Variants in MCTP1 observed in about 807,000 individuals in gnomAD.
The protein encoded by MCTP1 is multiple C2 and transmembrane domain-containing protein 1.
MCTP1 carries 69 observed loss-of-function variants against 120.6 expected under a neutral mutation model. The observed-to-expected ratio is 0.57, with a 90% CI of 0.47 to 0.70. The LOEUF (loss-of-function observed/expected upper bound fraction) is 0.70, where lower values mean the gene tolerates loss of function less well. Among genes scored for constraint, MCTP1 ranks in the 30% least tolerant of loss-of-function variants. The pLI is 0.00. For missense variants in MCTP1, 1,203 were observed against 1,248.8 expected, an observed-to-expected ratio of 0.96 and a Z score of 0.55; for synonymous variants, 529 against 493.1, an observed-to-expected ratio of 1.07 and a Z score of -0.96.
intron 1 of MCTP1, among the ~76,000 whole-genome samples, chr5:95,201,230 AACAT>A (rs1394933279): frequency 1.2e-4 from 18 of 152,194 alleles, no homozygotes; most frequent in Non-Finnish European, 1.6e-4. Context: ...TAGGACAAGC[AACAT>A]CCACATATCA....
At chr5:94,827,596 G>C (rs759507701) in intron 17 of MCTP1, among the ~76,000 whole-genome samples, 1 of 152,040 alleles carries the variant, frequency 6.6e-6, no homozygotes, top group African/African-American at 2.4e-5. Context: ...TCACCTTCAG[G>C]TACACCAATC....
chr5:94,853,313 A>G (rs1794111761), intron 17 of MCTP1, among the ~76,000 whole-genome samples: 2 of 152,014 alleles, frequency 1.3e-5, no homozygotes, highest in Admixed American at 1.3e-4. Context: ...GGATGGATGC[A>G]TTAGAAAGGA....
intron 2 of MCTP1, among the ~76,000 whole-genome samples, chr5:94,974,301 C>T (rs1034045229): frequency 3.9e-5 from 6 of 152,096 alleles, no homozygotes; most frequent in Non-Finnish European, 7.4e-5. Flanking sequence ...TAATCCAATG[C>T]TTTGGGAGGC....
intron 18 of MCTP1, among the ~76,000 whole-genome samples, chr5:94,798,725 A>T (rs1327743410): frequency 6.6e-6 from 1 of 152,178 alleles, no homozygotes; most frequent in Admixed American, 6.6e-5. Flanking sequence ...AGAAGAATAA[A>T]GCAATTATTT....
chr5:95,075,357 C>T (rs961681529), intron 1 of MCTP1, among the ~76,000 whole-genome samples: 1 of 152,188 alleles, frequency 6.6e-6, no homozygotes, highest in Non-Finnish European at 1.5e-5. Flanking sequence ...CTTTTATTCT[C>T]TCTATAATGA....
chr5:95,127,742 C>A (rs945888406), intron 1 of MCTP1, among the ~76,000 whole-genome samples: 1 of 152,156 alleles, frequency 6.6e-6, no homozygotes, highest in African/African-American at 2.4e-5. Context: ...TATCCTTCAA[C>A]TTTTTACCTT....
At chr5:95,132,563 C>T (rs1443818214) in intron 1 of MCTP1, among the ~76,000 whole-genome samples, 1 of 152,176 alleles carries the variant, frequency 6.6e-6, no homozygotes, top group Non-Finnish European at 1.5e-5. Context: ...TCATCTCAGG[C>T]GCAGTTGCCT....
At position 94,932,076 on chromosome 5, in the gene MCTP1, T is replaced by TTTCCGC. The variant is rs879812158; in HGVS notation, c.1174-86_1174-85insGCGGAA. ...AGTTGTTTTTTAGCGGAAACATTTA[T>TTTCCGC]TAGCCCTTGAAACAGCGAACAGTTC... On this transcript the variant is annotated intron_variant, in intron 5 of 22. Transcript: ENST00000515393. 122 of 929,516 alleles carry TTTCCGC rather than the reference T, an allele frequency of 1.3e-4. No individual in the cohort carries two copies. The East Asian group carries it at 3.0e-3, about 23-fold the overall frequency. The allele number at this position is 929,516 out of a possible 1,614,324, so 57.6% of individuals were successfully genotyped here. A position where few individuals can be genotyped will look rare whatever the true frequency, so the allele number is the denominator to read the frequency against.
At chr5:94,719,356 A>G (rs1032215435) in intron 19 of MCTP1, among the ~76,000 whole-genome samples, 3 of 152,236 alleles carry the variant, frequency 2.0e-5, no homozygotes, top group African/African-American at 7.2e-5. Context: ...AGATACATGC[A>G]CATGTATGTT....
chr5:95,284,697 CG>C lies in MCTP1; in HGVS notation c.-123del, dbSNP rs1474081611. 4 of 812,776 alleles carry C rather than the reference CG, an allele frequency of 4.9e-6. No homozygotes were observed. Among genetic ancestry groups the C allele is most frequent in the Non-Finnish European group, 3.5e-6 (2 of 568,872 alleles). 50.3% of individuals were successfully genotyped at this position (812,776 alleles called of 1,614,324 possible). On this transcript the variant is annotated 5_prime_UTR_variant, in exon 1 of 23. Transcript: ENST00000515393. The surrounding 1 kb of genome is among the most constrained non-coding windows in gnomAD (Gnocchi z 5.2). Reference sequence around the variant, plus strand: ...CTGGCGGTGGCGGCGGCGGCGGCGGCGGGCGCAGCAGCAGAAACCGGGAGTG... The same window carrying C: ...CTGGCGGTGGCGGCGGCGGCGGCGGCGGCGCAGCAGCAGAAACCGGGAGTG...
intron 10 of MCTP1, among the ~76,000 whole-genome samples, chr5:94,900,095 G>A (rs1389002050): frequency 6.6e-6 from 1 of 152,146 alleles, no homozygotes; most frequent in African/African-American, 2.4e-5. Flanking sequence ...ATCAGCTTAT[G>A]TGTCACTTGC....
At chr5:94,776,783 C>A (rs1242037365) in intron 19 of MCTP1, among the ~76,000 whole-genome samples, 1 of 152,072 alleles carries the variant, frequency 6.6e-6, no homozygotes, top group Non-Finnish European at 1.5e-5. Context: ...AAGGAACCAA[C>A]GAATTTTTTA....
chr5:94,982,406 T>G (rs768097076), intron 2 of MCTP1, among the ~76,000 whole-genome samples: 6 of 152,162 alleles, frequency 3.9e-5, no homozygotes, highest in Non-Finnish European at 8.8e-5. Flanking sequence ...ATCGAGCACA[T>G]AATGAGATAG....
intron 1 of MCTP1, among the ~76,000 whole-genome samples, chr5:95,019,415 C>A (rs940548519): frequency 6.6e-6 from 1 of 152,014 alleles, no homozygotes. Context: ...CCAACATCTC[C>A]TCTTTTCCTT....
chr5:94,744,901 G>T (rs990025844), intron 19 of MCTP1, among the ~76,000 whole-genome samples: 2 of 152,178 alleles, frequency 1.3e-5, no homozygotes, highest in Non-Finnish European at 2.9e-5. Flanking sequence ...ACAGTAAGGG[G>T]CTTTAACATT....
At chr5:94,920,742 A>T (rs1418504615) in intron 7 of MCTP1, among the ~76,000 whole-genome samples, 3 of 142,060 alleles carry the variant, frequency 2.1e-5, no homozygotes, top group African/African-American at 5.3e-5. Context: ...ATTCCGTCTC[A>T]AAATAAATAA....
intron 2 of MCTP1, among the ~76,000 whole-genome samples, chr5:95,006,418 T>C (rs763686182): frequency 6.6e-6 from 1 of 152,026 alleles, no homozygotes; most frequent in Non-Finnish European, 1.5e-5. Context: ...ATAACTATCA[T>C]TAAAACTAAG....
At chr5:95,170,779 T>C (rs1747161804) in intron 1 of MCTP1, among the ~76,000 whole-genome samples, 2 of 152,168 alleles carry the variant, frequency 1.3e-5, no homozygotes, top group African/African-American at 2.4e-5. Context: ...CTTCTTCCAT[T>C]CCTTTATTTT....
chr5:95,182,827 T>C (rs566107947), intron 1 of MCTP1, among the ~76,000 whole-genome samples: 14 of 151,992 alleles, frequency 9.2e-5, no homozygotes, highest in Admixed American at 3.3e-4. Flanking sequence ...ATCAAGACCA[T>C]CCTGGCTAAC....
Sources: allele counts gnomAD v4.1 joint callset (sites outside exome capture counted in the v4.1 genomes callset), GRCh38; gene constraint gnomAD v4.1.1; non-coding constraint Gnocchi (gnomAD v3.1); transcripts MANE v1.5; gene names NCBI Gene and HGNC (gene_info 2026-07-23, HGNC 2026-07-21).